TRIM49C: variants seen among roughly 807,000 people sequenced by gnomAD.
TRIM49C encodes tripartite motif-containing protein 49C.
In TRIM49C, 6 loss-of-function variants were observed where a neutral mutation model predicts 21.4. The observed-to-expected ratio is 0.28, with a 90% CI of 0.15 to 0.55. The LOEUF is 0.55. Ranked by LOEUF, TRIM49C falls within the 20% of genes least tolerant of loss-of-function variation. The pLI, the probability that TRIM49C is intolerant of heterozygous loss-of-function variation, is 0.94. For synonymous variants in TRIM49C, 57 were observed against 148.1 expected (o/e 0.38, Z 4.47); for missense variants, 161 against 442.4 (o/e 0.36, Z 5.71).
At chr11:90,042,245 C>A (rs375490946), downstream of TRIM49C, among the ~76,000 whole-genome samples, 1 of 145,706 alleles carries the variant, frequency 6.9e-6, no homozygotes, top group African/African-American at 2.6e-5. Context: ...GGAAGGGGAA[C>A]CTGATACAAT....
chr11:90,067,359 G>A, the TRIM49C span, among the ~76,000 whole-genome samples: 1 of 142,622 alleles, frequency 7.0e-6, no homozygotes, highest in South Asian at 2.3e-4. Context: ...AGGATTTCTT[G>A]CTAATATCAA....
chr11:90,031,635 T>C (rs1950688434), intron 1 of TRIM49C, among the ~76,000 whole-genome samples: 2 of 151,804 alleles, frequency 1.3e-5, no homozygotes, highest in African/African-American at 4.8e-5. Flanking sequence ...TCATGCACTA[T>C]ATGGAGAAAA....
intron 1 of TRIM49C, among the ~76,000 whole-genome samples, chr11:90,032,145 T>C (rs1380815189): frequency 1.5e-5 from 2 of 133,176 alleles, no homozygotes; most frequent in African/African-American, 2.7e-5. Flanking sequence ...CTTAGAGGAA[T>C]GCCTGTATCA....
chr11:90,043,154 G>A (rs1235427337), downstream of TRIM49C, among the ~76,000 whole-genome samples: 1 of 143,788 alleles, frequency 7.0e-6, no homozygotes, highest in African/African-American at 2.5e-5. Context: ...CCCAGGCATG[G>A]TGGCACACAC....
At chr11:90,056,045 G>A in the TRIM49C span, among the ~76,000 whole-genome samples, 14 of 123,706 alleles carry the variant, frequency 1.1e-4, no homozygotes, top group African/African-American at 3.8e-4. Context: ...TGCAAGCTCC[G>A]CCTCCCAGGT....
the TRIM49C span, among the ~76,000 whole-genome samples, chr11:90,060,341 G>A: frequency 6.7e-6 from 1 of 150,068 alleles, no homozygotes; most frequent in Admixed American, 6.7e-5. Flanking sequence ...TCATACTCTT[G>A]TTTCTTTCTG....
At chr11:90,053,837 C>T in the TRIM49C span, 5 of 141,246 alleles carry the variant, frequency 3.5e-5, no homozygotes. Context: ...GCCCTAGCTC[C>T]CGCCCCAAGC....
At chr11:90,036,072 T>C in intron 4 of TRIM49C, 89 bp downstream of exon 4, 2 of 966,382 alleles carry the variant, frequency 2.1e-6, no homozygotes, top group East Asian at 3.7e-5. Context: ...CAAACTGTAA[T>C]GTTTCTGGGA....
chr11:90,057,950 T>C, the TRIM49C span: 2 of 1,522,358 alleles, frequency 1.3e-6, no homozygotes, highest in Non-Finnish European at 1.8e-6. Flanking sequence ...CAGAGGTGAA[T>C]GCTTGTGCTC....
intron 2 of TRIM49C, among the ~76,000 whole-genome samples, chr11:90,032,841 T>C (rs2134812025): frequency 8.5e-6 from 1 of 117,560 alleles, no homozygotes; most frequent in Non-Finnish European, 1.7e-5. Flanking sequence ...ATATATGGAG[T>C]TGATACATAT....
At chr11:90,048,826 G>A in the TRIM49C span, among the ~76,000 whole-genome samples, 1 of 125,162 alleles carries the variant, frequency 8.0e-6, no homozygotes, top group East Asian at 2.5e-4. Flanking sequence ...CATTCCTTTG[G>A]AGGGGGAGAG....
At chr11:90,057,030 C>T in the TRIM49C span, among the ~76,000 whole-genome samples, 1 of 147,114 alleles carries the variant, frequency 6.8e-6, no homozygotes, top group Non-Finnish European at 1.5e-5. Flanking sequence ...TTTTCTACCC[C>T]AGCCTGGTTC....
At chr11:90,049,869 T>C in the TRIM49C span, 1 of 127,788 alleles carries the variant, frequency 7.8e-6, no homozygotes, top group Non-Finnish European at 1.6e-5. Context: ...AGCTGTAGAC[T>C]GGAGCTGTTC....
chr11:90,039,245 C>A (rs1950751181), intron 6 of TRIM49C, among the ~76,000 whole-genome samples: 1 of 128,028 alleles, frequency 7.8e-6, no homozygotes, highest in Non-Finnish European at 1.6e-5. Flanking sequence ...TGCTTGAAAG[C>A]CTGCACAGGA....
chr11:90,035,660 A>C (rs529633727), intron 3 of TRIM49C, 38 bp downstream of exon 3: 3 of 1,379,942 alleles, frequency 2.2e-6, no homozygotes, highest in Non-Finnish European at 2.9e-6. Context: ...CTGTAAAGGA[A>C]GCATAAAATT....
chr11:90,057,048 CAAGT>C, the TRIM49C span, among the ~76,000 whole-genome samples: 1 of 146,936 alleles, frequency 6.8e-6, no homozygotes, highest in South Asian at 2.3e-4. Flanking sequence ...TTCAAATATA[CAAGT>C]AAGACAAATG....
chr11:90,053,621 CTT>C, the TRIM49C span: 2 of 153,750 alleles, frequency 1.3e-5, no homozygotes, highest in Non-Finnish European at 2.9e-5. Context: ...TCCTGGAACT[CTT>C]TGAATTCAGT....
intron 4 of TRIM49C, among the ~76,000 whole-genome samples, chr11:90,036,231 T>C (rs1950726785): frequency 1.0e-5 from 1 of 97,648 alleles, no homozygotes; most frequent in Non-Finnish European, 2.0e-5. Flanking sequence ...CCTATAGTTA[T>C]ACACCAACAG....
chr11:90,053,904 T>C, the TRIM49C span, among the ~76,000 whole-genome samples: 3 of 144,682 alleles, frequency 2.1e-5, no homozygotes, highest in Non-Finnish European at 3.0e-5. Context: ...TTAATTTTCT[T>C]AGGACATTGA....
Sources: gnomAD v4.1 joint callset for allele counts (sites outside exome capture counted in the v4.1 genomes callset) on GRCh38, gnomAD v4.1.1 for gene constraint, MANE v1.5 for transcripts, NCBI Gene and HGNC (gene_info 2026-07-23, HGNC 2026-07-21) for gene names.